The following UGGT2 variants were observed in gnomAD, a reference collection of about 807,000 sequenced individuals.
UGGT2 encodes UDP-glucose glycoprotein glucosyltransferase 2.
A neutral mutation model predicts 192.1 loss-of-function variants in UGGT2; 180 were observed. The observed-to-expected ratio is 0.94, with a 90% CI of 0.83 to 1.06. UGGT2 has a LOEUF of 1.06. Ranked by LOEUF, UGGT2 falls within the 50% of genes least tolerant of loss-of-function variation. UGGT2 has a pLI of 0.00. For synonymous variants in UGGT2, 580 were observed against 591.0 expected (o/e 0.98, Z 0.27); for missense variants, 1,849 against 1,795.7 (o/e 1.03, Z -0.54).
At chr13:95,914,487 C>T (rs9584328) in intron 20 of UGGT2, among the ~76,000 whole-genome samples, 1 of 151,654 alleles carries the variant, frequency 6.6e-6, no homozygotes, top group Non-Finnish European at 1.5e-5. Flanking sequence ...AATTAAAACT[C>T]TAAGTGGGTG....
At chr13:95,842,732 C>A (rs1239556512) in intron 36 of UGGT2, among the ~76,000 whole-genome samples, 1 of 152,240 alleles carries the variant, frequency 6.6e-6, no homozygotes, top group Non-Finnish European at 1.5e-5. Context: ...ATAAGGCCAT[C>A]TGCCAGAAAC....
intron 38 of UGGT2, among the ~76,000 whole-genome samples, chr13:95,804,928 A>C (rs1252984763): frequency 6.6e-6 from 1 of 152,194 alleles, no homozygotes. Context: ...AAGTAAAAAT[A>C]GATAGATGGG....
chr13:95,899,406 T>C (rs1282274299), intron 22 of UGGT2, among the ~76,000 whole-genome samples: 1 of 152,172 alleles, frequency 6.6e-6, no homozygotes, highest in African/African-American at 2.4e-5. Flanking sequence ...CTTCAGAATC[T>C]AGAAGAATGT....
intron 34 of UGGT2, among the ~76,000 whole-genome samples, 192 bp downstream of exon 34, chr13:95,855,966 T>C (rs548936038): frequency 2.0e-5 from 3 of 152,314 alleles, no homozygotes; most frequent in African/African-American, 7.2e-5. Context: ...ATGGTACTTC[T>C]TACAATACCT....
At chr13:95,875,007 G>A (rs1398668112) in intron 29 of UGGT2, among the ~76,000 whole-genome samples, 5 of 151,986 alleles carry the variant, frequency 3.3e-5, no homozygotes, top group Non-Finnish European at 5.9e-5. Flanking sequence ...TAAATTTAAC[G>A]TTTCTAGGAA....
intron 21 of UGGT2, among the ~76,000 whole-genome samples, chr13:95,902,212 T>C (rs1393184800): frequency 6.6e-6 from 1 of 152,142 alleles, no homozygotes; most frequent in African/African-American, 2.4e-5. Flanking sequence ...TTCACTAATG[T>C]ATTTAATTTA....
chr13:95,964,178 A>G (rs909837363), intron 12 of UGGT2, among the ~76,000 whole-genome samples: 2 of 152,180 alleles, frequency 1.3e-5, no homozygotes, highest in African/African-American at 4.8e-5. Flanking sequence ...TTTATAGCCA[A>G]TTGATTTTTG....
intron 38 of UGGT2, among the ~76,000 whole-genome samples, chr13:95,820,434 G>A (rs1438118029): frequency 6.6e-6 from 1 of 151,970 alleles, no homozygotes; most frequent in Non-Finnish European, 1.5e-5. Flanking sequence ...TGAAGTGGTG[G>A]TAACTTTGGT....
At chr13:95,959,435 C>T (rs1331569082) in intron 12 of UGGT2, among the ~76,000 whole-genome samples, 1 of 152,180 alleles carries the variant, frequency 6.6e-6, no homozygotes, top group Non-Finnish European at 1.5e-5. Context: ...TGCTGCCCAC[C>T]AACCATAGCC....
chr13:95,851,921 T>C (rs1463097891), intron 36 of UGGT2, among the ~76,000 whole-genome samples: 2 of 152,176 alleles, frequency 1.3e-5, no homozygotes, highest in Non-Finnish European at 2.9e-5. Context: ...TTGGTAAAAT[T>C]ATTAAGAATT....
intron 38 of UGGT2, among the ~76,000 whole-genome samples, chr13:95,806,314 C>A (rs986078094): frequency 2.6e-5 from 4 of 152,152 alleles, no homozygotes; most frequent in African/African-American, 9.7e-5. Flanking sequence ...GGCAGTCCTG[C>A]AGGCTGGGCC....
At chr13:95,995,507 T>C (rs1479381137) in intron 7 of UGGT2, 1 of 152,728 alleles carries the variant, frequency 6.5e-6, no homozygotes, top group African/African-American at 2.4e-5. Context: ...ATGAGGGTAG[T>C]TTACAAGTAT....
intron 26 of UGGT2, among the ~76,000 whole-genome samples, chr13:95,886,274 G>C (rs2047644053): frequency 6.6e-6 from 1 of 152,192 alleles, no homozygotes; most frequent in African/African-American, 2.4e-5. Flanking sequence ...TAAAAGGAAA[G>C]GGCTGGGAAT....
In UGGT2 at chr13:96,013,367, T is replaced by G. The variant is rs781187250; in HGVS notation, c.600A>C (p.Lys200Asn). The change falls in exon 5 of 39, where the codon AAA (lysine) becomes AAC (asparagine). Residue 200 changes from lysine to asparagine, a missense_variant. Transcript: ENST00000376747. ...MGTRTFSAFH[K>N]VLSEKAQNEE... ...CATTTTGAGCTTTTTCAGACAATACTTTGTGAAATGCACTAAATGTTCTAG... is the reference window on the plus strand; with the variant it reads ...CATTTTGAGCTTTTTCAGACAATACGTTGTGAAATGCACTAAATGTTCTAG... 6.2e-7 allele frequency: 1 copy of G among 1,608,756 alleles called. No homozygotes were observed. The highest frequency in any genetic ancestry group is 1.1e-5 in the South Asian group (1 of 89,464).
At chr13:95,904,101 T>A (rs2048196519) in intron 20 of UGGT2, among the ~76,000 whole-genome samples, 1 of 151,998 alleles carries the variant, frequency 6.6e-6, no homozygotes, top group South Asian at 2.1e-4. Flanking sequence ...CTTTTTTTGG[T>A]TATATGTGTA....
At chr13:95,842,519 A>G (rs1294245098) in intron 36 of UGGT2, among the ~76,000 whole-genome samples, 2 of 152,138 alleles carry the variant, frequency 1.3e-5, no homozygotes, top group African/African-American at 2.4e-5. Flanking sequence ...ATGGCTTCCA[A>G]TAATTCCTGA....
intron 31 of UGGT2, among the ~76,000 whole-genome samples, chr13:95,862,365 T>G (rs1470791468): frequency 6.6e-6 from 1 of 152,210 alleles, no homozygotes; most frequent in African/African-American, 2.4e-5. Context: ...CCATCATAGC[T>G]CACATTGGGT....
intron 38 of UGGT2, among the ~76,000 whole-genome samples, chr13:95,830,078 T>C (rs1465680447): frequency 1.3e-5 from 2 of 152,352 alleles, no homozygotes; most frequent in South Asian, 2.1e-4. Context: ...GCTAGTCATA[T>C]GTAGAAAGCT....
In UGGT2 at chr13:96,032,616, G is replaced by A. The variant is rs1333081367; in HGVS notation, c.159-645C>T. Among the ~76,000 whole-genome samples, 4 of 152,220 alleles carry A rather than the reference G, an allele frequency of 2.6e-5. No individual in the cohort carries two copies. In the East Asian group the frequency reaches 5.8e-4, roughly 22 times the overall value. On this transcript the variant is annotated intron_variant, in intron 1 of 38. Coordinates refer to ENST00000376747, the MANE Select transcript of UGGT2 (RefSeq NM_020121.4). Reference sequence around the variant, plus strand: ...TAAATGAAAGATTTAGTTCTGCACAGAACAAAACACTAGAGAGCTAAAACA... The same window carrying A: ...TAAATGAAAGATTTAGTTCTGCACAAAACAAAACACTAGAGAGCTAAAACA...
Sources: gnomAD v4.1 joint callset for allele counts (sites outside exome capture counted in the v4.1 genomes callset) on GRCh38, gnomAD v4.1.1 for gene constraint, MANE v1.5 for transcripts, NCBI Gene and HGNC (gene_info 2026-07-23, HGNC 2026-07-21) for gene names.